EBF3: variants seen among roughly 807,000 people sequenced by gnomAD.
The protein encoded by EBF3 is transcription factor COE3.
Under a neutral mutation model 77.1 loss-of-function variants are expected in EBF3, and 18 were observed. The observed-to-expected ratio is 0.23, with a 90% CI of 0.16 to 0.35. The LOEUF (loss-of-function observed/expected upper bound fraction) is 0.35, where lower values mean the gene tolerates loss of function less well. Ranked by LOEUF, EBF3 falls within the 10% of genes least tolerant of loss-of-function variation. The probability of loss-of-function intolerance (pLI) is 1.00; values close to 1 mark genes in which losing one functional copy is unlikely to be tolerated. For missense variants in EBF3, 558 were observed against 860.0 expected, an observed-to-expected ratio of 0.65 and a Z score of 4.39; for synonymous variants, 350 against 343.5, an observed-to-expected ratio of 1.02 and a Z score of -0.21.
At chr10:129,959,509 C>G (rs1859318427) in intron 4 of EBF3, among the ~76,000 whole-genome samples, 1 of 152,096 alleles carries the variant, frequency 6.6e-6, no homozygotes, top group Non-Finnish European at 1.5e-5. Flanking sequence ...GGTCGCGGCG[C>G]AGGAGCAGTT....
At chr10:129,920,778 C>T (rs1262986569) in intron 6 of EBF3, among the ~76,000 whole-genome samples, 1 of 152,238 alleles carries the variant, frequency 6.6e-6, no homozygotes, top group African/African-American at 2.4e-5. Flanking sequence ...GCCCAGTAAC[C>T]ATGAAGGACC....
At chr10:129,959,530 C>T (rs1859321096) in intron 4 of EBF3, among the ~76,000 whole-genome samples, 1 of 151,946 alleles carries the variant, frequency 6.6e-6, no homozygotes, top group Non-Finnish European at 1.5e-5. Context: ...TGCCAAGGGC[C>T]GAGGGCCGCG....
Position 129,885,684 on chromosome 10 carries a change from C to T in EBF3, c.555-7835G>A, listed in dbSNP as rs531358374. 3.0e-4 allele frequency among the ~76,000 whole-genome samples: 45 copies of T among 152,230 alleles called. No homozygotes were observed. In the Middle Eastern group the frequency reaches 0.01, roughly 35 times the overall value. On this transcript the variant is annotated intron_variant, in intron 6 of 16. Coordinates refer to ENST00000440978, the MANE Select transcript of EBF3 (RefSeq NM_001375380.1). This position sits in a 1 kb window ranked among gnomAD's most constrained non-coding sequence, Gnocchi z 4.0. ...GTCAATCAGTCTGTATTTTGTCTTT[C>T]GCTGCGGGCTCATTAAAACAGCTTC...
chr10:129,858,968 A>C (rs1842289378), intron 10 of EBF3, among the ~76,000 whole-genome samples: 1 of 152,212 alleles, frequency 6.6e-6, no homozygotes, highest in Admixed American at 6.5e-5. Flanking sequence ...ACGGCCTCCT[A>C]TCTCAACGGG....
chr10:129,854,453 T>C (rs1277293891), intron 10 of EBF3, among the ~76,000 whole-genome samples: 1 of 152,052 alleles, frequency 6.6e-6, no homozygotes, highest in Non-Finnish European at 1.5e-5. Context: ...CTTTCATATT[T>C]TGTCCGACAA....
chr10:129,959,330 G>A (rs1027200052), intron 4 of EBF3, among the ~76,000 whole-genome samples: 1 of 151,812 alleles, frequency 6.6e-6, no homozygotes, highest in African/African-American at 2.4e-5. Flanking sequence ...GGGGCGCAAG[G>A]AGCGAGAGCC....
At chr10:129,896,810 C>G (rs796696161) in intron 6 of EBF3, among the ~76,000 whole-genome samples, 1 of 152,254 alleles carries the variant, frequency 6.6e-6, no homozygotes, top group African/African-American at 2.4e-5. Flanking sequence ...ACGCCCAGCC[C>G]GTAGCCACCT....
chr10:129,890,661 C>T (rs1853961445), intron 6 of EBF3, among the ~76,000 whole-genome samples: 1 of 152,236 alleles, frequency 6.6e-6, no homozygotes, highest in Non-Finnish European at 1.5e-5. Flanking sequence ...GCAACTTCCC[C>T]TAACAATATT....
At chr10:129,896,566 C>T (rs1024501874) in intron 6 of EBF3, among the ~76,000 whole-genome samples, 10 of 152,310 alleles carry the variant, frequency 6.6e-5, no homozygotes, top group East Asian at 5.8e-4. Context: ...CCCTGCACAG[C>T]GAGTGGGGGG....
intron 6 of EBF3, among the ~76,000 whole-genome samples, chr10:129,937,009 G>A (rs1857408814): frequency 6.6e-6 from 1 of 152,212 alleles, no homozygotes; most frequent in African/African-American, 2.4e-5. Flanking sequence ...TCCCGCGACA[G>A]TGCATCTCCT....
chr10:129,953,766 A>G (rs1414314784), intron 6 of EBF3, among the ~76,000 whole-genome samples: 1 of 152,176 alleles, frequency 6.6e-6, no homozygotes, highest in Non-Finnish European at 1.5e-5. Flanking sequence ...CAGCCCAAGC[A>G]AGGAGGGGGA....
rs975431476 is a variant in EBF3, at chr10:129,863,500, GCCTCTGGCGGGCGGCCCCT to G, written c.1039+3622_1039+3640del. On this transcript the variant is annotated intron_variant, in intron 10 of 16. Coordinates refer to ENST00000440978, the MANE Select transcript of EBF3 (RefSeq NM_001375380.1). The surrounding 1 kb of genome is among the most constrained non-coding windows in gnomAD (Gnocchi z 4.0). ...GAGGCCCTTTGCAAAGCCCCTCCCA[GCCTCTGGCGGGCGGCCCCT>G]CCTCTGAGCACAGGTTCATTAGCCC... 6.6e-6 allele frequency among the ~76,000 whole-genome samples: 1 copy of G among 152,186 alleles called. No homozygotes were observed. The highest frequency in any genetic ancestry group is 1.5e-5 in the Non-Finnish European group (1 of 68,032).
intron 6 of EBF3, among the ~76,000 whole-genome samples, chr10:129,898,081 A>G (rs963968760): frequency 2.0e-5 from 3 of 152,378 alleles, no homozygotes; most frequent in East Asian, 1.9e-4. Flanking sequence ...CCCAGAGACA[A>G]GCATTTTCTA....
At chr10:129,868,652 G>T (rs1852199705) in intron 8 of EBF3, among the ~76,000 whole-genome samples, 1 of 152,232 alleles carries the variant, frequency 6.6e-6, no homozygotes, top group African/African-American at 2.4e-5. Flanking sequence ...AGGGTGCAGG[G>T]GGGAGGGGAC....
At chr10:129,887,123 G>A (rs1374439403) in intron 6 of EBF3, among the ~76,000 whole-genome samples, 1 of 138,002 alleles carries the variant, frequency 7.2e-6, no homozygotes, top group Non-Finnish European at 1.5e-5. Context: ...CCACAAAGAA[G>A]CCCATACAAG....
intron 10 of EBF3, among the ~76,000 whole-genome samples, chr10:129,853,860 C>T (rs1400050933): frequency 1.3e-5 from 2 of 152,198 alleles, no homozygotes; most frequent in African/African-American, 4.8e-5. Flanking sequence ...ATTATATCAC[C>T]TTGAGGTTAT....
In EBF3 at chr10:129,942,126, C is replaced by T. The variant is rs923271364; in HGVS notation, c.554+15132G>A. 1.2e-4 allele frequency among the ~76,000 whole-genome samples: 18 copies of T among 152,196 alleles called. No individual in the cohort carries two copies. In the South Asian group the frequency reaches 1.2e-3, roughly 11 times the overall value. On this transcript the variant is annotated intron_variant, in intron 6 of 16. Transcript: ENST00000440978. ...GGCACCAGGCCTCTCTCAGCATGGA[C>T]GGCTCCCTGCAGGTTCTTAGCACTA...
At chr10:129,838,074 C>T in intron 16 of EBF3, 114 bp from the exon 17 acceptor site, 3 of 1,304,302 alleles carry the variant, frequency 2.3e-6, no homozygotes, top group Admixed American at 1.9e-5. Context: ...GCTGGTCTTG[C>T]ACAGTTCCGT....
At chr10:129,872,340 TTTAA>T (rs577695379) in intron 8 of EBF3, among the ~76,000 whole-genome samples, 149 of 152,350 alleles carry the variant, frequency 9.8e-4, no homozygotes, top group African/African-American at 3.4e-3. Flanking sequence ...TAGGGCGACC[TTTAA>T]TTATTATATT....
Sources: allele counts gnomAD v4.1 joint callset (sites outside exome capture counted in the v4.1 genomes callset), GRCh38; gene constraint gnomAD v4.1.1; non-coding constraint Gnocchi (gnomAD v3.1); transcripts MANE v1.5; gene names NCBI Gene and HGNC (gene_info 2026-07-23, HGNC 2026-07-21).